The following PAX7 variants were observed in gnomAD, a reference collection of about 807,000 sequenced individuals.
The protein encoded by PAX7 is paired box protein Pax-7.
Under a neutral mutation model 50.7 loss-of-function variants are expected in PAX7, and 18 were observed. That is an observed-to-expected ratio of 0.36 (90% CI 0.25 to 0.53). The LOEUF (loss-of-function observed/expected upper bound fraction) is 0.53. Ranked by LOEUF, PAX7 falls within the 20% of genes least tolerant of loss-of-function variation. The pLI, the probability that PAX7 is intolerant of heterozygous loss-of-function variation, is 0.93. For missense variants in PAX7, 644 were observed against 702.9 expected (o/e 0.92, Z 0.95); for synonymous variants, 310 against 290.4 (o/e 1.07, Z -0.69).
intron 7 of PAX7, among the ~76,000 whole-genome samples, chr1:18,725,339 G>GA (rs2089550703): frequency 1.3e-5 from 2 of 151,348 alleles, no homozygotes; most frequent in African/African-American, 2.4e-5. Flanking sequence ...CAGGCCAGGG[G>GA]GGCCTGAGAG....
intron 4 of PAX7, among the ~76,000 whole-genome samples, chr1:18,664,127 C>T (rs888488459): frequency 6.6e-6 from 1 of 152,254 alleles, no homozygotes; most frequent in African/African-American, 2.4e-5. Context: ...CTCCAGCAGA[C>T]ACTCCTCAGA....
At chr1:18,643,622 G>T (rs1253923912) in intron 4 of PAX7, among the ~76,000 whole-genome samples, 4 of 152,206 alleles carry the variant, frequency 2.6e-5, no homozygotes, top group African/African-American at 9.6e-5. Context: ...AGCACGGGCC[G>T]AGAGGGCGAG....
At position 18,638,700 on chromosome 1, in the gene PAX7, T is replaced by C. The variant is rs186026510; in HGVS notation, c.586+2329T>C. Among the ~76,000 whole-genome samples, 3 of 151,852 alleles carry C rather than the reference T, an allele frequency of 2.0e-5. No individual in the cohort carries two copies. In the East Asian group the frequency reaches 5.8e-4, roughly 29 times the overall value. Reference sequence around the variant, plus strand: ...GGATTCAGCATAGATGTGCAGGGAGTGTGTAGATGGGTGTGAATGGGCAAT... The same window carrying C: ...GGATTCAGCATAGATGTGCAGGGAGCGTGTAGATGGGTGTGAATGGGCAAT... On this transcript the variant is annotated intron_variant, in intron 4 of 8. Transcript: ENST00000420770.
intron 7 of PAX7, among the ~76,000 whole-genome samples, chr1:18,725,955 A>ATCTTGTAAAAGCCCT (rs2089561195): frequency 6.6e-6 from 1 of 152,120 alleles, no homozygotes; most frequent in Non-Finnish European, 1.5e-5. Flanking sequence ...GGAGATTGAC[A>ATCTTGTAAAAGCCCT]TCTTGTAAAA....
At chr1:18,740,423 ACTC>A (rs1400670502) in intron 8 of PAX7, among the ~76,000 whole-genome samples, 3 of 151,428 alleles carry the variant, frequency 2.0e-5, no homozygotes, top group Admixed American at 1.3e-4. Context: ...ACCAATGCAG[ACTC>A]CTCCTCCATG....
chr1:18,724,078 G>A (rs1018009202), intron 7 of PAX7, among the ~76,000 whole-genome samples: 5 of 152,216 alleles, frequency 3.3e-5, no homozygotes, highest in Admixed American at 1.3e-4. Flanking sequence ...AGGCCGCTGC[G>A]TGCTCGGTGG....
rs2089694155 is a variant in PAX7, at chr1:18,735,156, G to A, written c.1156-476G>A. On this transcript the variant is annotated intron_variant, in intron 7 of 8. Transcript: ENST00000420770. This position sits in a 1 kb window ranked among gnomAD's most constrained non-coding sequence, Gnocchi z 4.0. ...GAGCAAGCCACACACAGTGACAGCA[G>A]ACAGATCAAGAGTCCTGCTGTAATG... Among the ~76,000 whole-genome samples the A allele has an allele frequency of 6.6e-6, 1 of 152,278 alleles. No individual in the cohort carries two copies. The highest frequency in any genetic ancestry group is 1.9e-4 in the East Asian group (1 of 5,176).
At chr1:18,737,329 A>AC (rs1026464300) in intron 8 of PAX7, among the ~76,000 whole-genome samples, 1 of 126,300 alleles carries the variant, frequency 7.9e-6, no homozygotes, top group African/African-American at 3.0e-5. Context: ...CTTCCTGCCC[A>AC]CCCCCCCAAA....
intron 4 of PAX7, among the ~76,000 whole-genome samples, chr1:18,690,309 G>A (rs189555281): frequency 1.1e-3 from 171 of 152,342 alleles, no homozygotes; most frequent in African/African-American, 3.2e-3. Flanking sequence ...AAGAGGAGTG[G>A]GGAGGAAGGA....
At chr1:18,711,678 A>C (rs762939410) in intron 7 of PAX7, among the ~76,000 whole-genome samples, 4 of 152,006 alleles carry the variant, frequency 2.6e-5, no homozygotes, top group Admixed American at 6.5e-5. Flanking sequence ...TTGGCAGGGC[A>C]TGGGCTGAGT....
At chr1:18,662,630 G>A (rs2088616481) in intron 4 of PAX7, among the ~76,000 whole-genome samples, 1 of 152,158 alleles carries the variant, frequency 6.6e-6, no homozygotes, top group Non-Finnish European at 1.5e-5. Context: ...AAGTGCAGTG[G>A]CACAATCTAA....
chr1:18,728,930 G>A (rs1402888490), intron 7 of PAX7, among the ~76,000 whole-genome samples: 2 of 152,028 alleles, frequency 1.3e-5, no homozygotes, highest in African/African-American at 2.4e-5. Context: ...CAGTCAAGAC[G>A]GAGAACCAGT....
chr1:18,705,049 C>T (rs1274391969), intron 7 of PAX7, among the ~76,000 whole-genome samples: 3 of 152,186 alleles, frequency 2.0e-5, no homozygotes, highest in African/African-American at 7.2e-5. Context: ...GTATCAAGCC[C>T]TCTCAGGGTC....
At chr1:18,690,603 G>C (rs1286068727) in intron 4 of PAX7, among the ~76,000 whole-genome samples, 1 of 152,258 alleles carries the variant, frequency 6.6e-6, no homozygotes, top group East Asian at 1.9e-4. Flanking sequence ...CAGATTCCTG[G>C]CCTGATAACC....
intron 7 of PAX7, among the ~76,000 whole-genome samples, chr1:18,717,702 G>A (rs557125439): frequency 1.5e-4 from 23 of 152,304 alleles, no homozygotes; most frequent in African/African-American, 5.3e-4. Flanking sequence ...AGCCTGGCAC[G>A]AAGTAGGTGC....
chr1:18,652,203 A>G (rs1374350194), intron 4 of PAX7, among the ~76,000 whole-genome samples: 1 of 151,666 alleles, frequency 6.6e-6, no homozygotes, highest in African/African-American at 2.4e-5. Flanking sequence ...AGGGTGGGCC[A>G]CTGGCTGCCT....
At chr1:18,744,429 A>AGGATGGATGGAT (rs375857866) in intron 8 of PAX7, among the ~76,000 whole-genome samples, 2 of 60,514 alleles carry the variant, frequency 3.3e-5, no homozygotes, top group Non-Finnish European at 6.1e-5. Context: ...GATAGATGGA[A>AGGATGGATGGAT]GGATGGATGG....
chr1:18,638,298 T>G (rs1355274147), intron 4 of PAX7, among the ~76,000 whole-genome samples: 1 of 152,204 alleles, frequency 6.6e-6, no homozygotes. Flanking sequence ...GGAGGATTCC[T>G]CTGATTCCAG....
intron 5 of PAX7, among the ~76,000 whole-genome samples, chr1:18,697,775 C>G (rs2089167768): frequency 6.6e-6 from 1 of 152,122 alleles, no homozygotes; most frequent in African/African-American, 2.4e-5. Flanking sequence ...AGTTGGAAGC[C>G]CCTCCTCTGA....
Sources: gnomAD v4.1 joint callset for allele counts (sites outside exome capture counted in the v4.1 genomes callset) on GRCh38, gnomAD v4.1.1 for gene constraint, Gnocchi (gnomAD v3.1) non-coding constraint, MANE v1.5 for transcripts, NCBI Gene and HGNC (gene_info 2026-07-23, HGNC 2026-07-21) for gene names.